The following PARD3B variants were observed in gnomAD, a reference collection of about 807,000 sequenced individuals.
The protein encoded by PARD3B is partitioning defective 3 homolog B.
PARD3B carries 103 observed loss-of-function variants against 130.2 expected under a neutral mutation model. That is an observed-to-expected ratio of 0.79 (90% confidence interval 0.67 to 0.93). The LOEUF (loss-of-function observed/expected upper bound fraction) is 0.93, where lower values mean the gene tolerates loss of function less well. Among genes scored for constraint, PARD3B ranks in the 40% least tolerant of loss-of-function variants. The pLI, the probability that PARD3B is intolerant of heterozygous loss-of-function variation, is 0.00. For synonymous variants in PARD3B, 583 were observed against 553.2 expected, an observed-to-expected ratio of 1.05 and a Z score of -0.76; for missense variants, 1,609 against 1,499.2, an observed-to-expected ratio of 1.07 and a Z score of -1.21.
intron 2 of PARD3B, among the ~76,000 whole-genome samples, chr2:204,894,765 T>G (rs1383374718): frequency 6.6e-6 from 1 of 152,072 alleles, no homozygotes; most frequent in African/African-American, 2.4e-5. Flanking sequence ...AAATTAAATT[T>G]CTTGGGTTTG....
At chr2:204,580,308 GT>G (rs932930031) in intron 1 of PARD3B, among the ~76,000 whole-genome samples, 2 of 152,018 alleles carry the variant, frequency 1.3e-5, no homozygotes, top group East Asian at 3.9e-4. Context: ...TTGCATCCAT[GT>G]TTTTTTTCCC....
intron 1 of PARD3B, among the ~76,000 whole-genome samples, chr2:204,676,757 C>T (rs1458312831): frequency 6.7e-6 from 1 of 150,168 alleles, no homozygotes; most frequent in Non-Finnish European, 1.5e-5. Flanking sequence ...GCAACCTCCA[C>T]CTCCTGGATT....
At position 205,309,217 on chromosome 2, in the gene PARD3B, T is replaced by G. The variant is rs1294266613; in HGVS notation, c.2630+7516T>G. ...GTACACATTCTAAGACAGGTGGGCA[T>G]TAATGTAAATGGTGAACTTGGTTTA... On this transcript the variant is annotated intron_variant, in intron 18 of 22. Transcript: ENST00000406610. This position sits in a 1 kb window ranked among gnomAD's most constrained non-coding sequence, Gnocchi z 4.7. 6.6e-6 allele frequency among the ~76,000 whole-genome samples: 1 copy of G among 152,192 alleles called. No homozygotes were observed. Among genetic ancestry groups the G allele is most frequent in the Non-Finnish European group, 1.5e-5 (1 of 68,034 alleles).
chr2:204,819,516 G>A (rs371614913), intron 2 of PARD3B, among the ~76,000 whole-genome samples: 27 of 152,156 alleles, frequency 1.8e-4, no homozygotes, highest in African/African-American at 6.5e-4. Context: ...AATATACTTA[G>A]GCCAATTGAT....
At chr2:205,377,825 C>T (rs903816057) in intron 18 of PARD3B, among the ~76,000 whole-genome samples, 2 of 139,386 alleles carry the variant, frequency 1.4e-5, no homozygotes, top group African/African-American at 5.7e-5. Flanking sequence ...GGCTGGAGTG[C>T]AATGGTGAGG....
At chr2:204,688,604 A>G (rs2037204536) in intron 2 of PARD3B, among the ~76,000 whole-genome samples, 1 of 151,946 alleles carries the variant, frequency 6.6e-6, no homozygotes, top group Non-Finnish European at 1.5e-5. Context: ...AAAAGGTGAA[A>G]AAAAGAATTT....
chr2:205,410,840 C>T (rs1044235982), intron 19 of PARD3B, among the ~76,000 whole-genome samples: 4 of 152,254 alleles, frequency 2.6e-5, no homozygotes, highest in African/African-American at 9.6e-5. Flanking sequence ...TTGGCAAACT[C>T]TATATGATTT....
At chr2:204,642,901 C>G (rs1287339203) in intron 1 of PARD3B, among the ~76,000 whole-genome samples, 1 of 151,376 alleles carries the variant, frequency 6.6e-6, no homozygotes, top group South Asian at 2.1e-4. Flanking sequence ...ATCACAAGGT[C>G]AGGAGACCAA....
chr2:205,095,531 A>G (rs1206648792), intron 4 of PARD3B, among the ~76,000 whole-genome samples: 1 of 152,100 alleles, frequency 6.6e-6, no homozygotes, highest in Non-Finnish European at 1.5e-5. Context: ...ATGTTGAAAG[A>G]TTAGCAGAGC....
Position 205,176,433 on chromosome 2 carries a change from T to G in PARD3B, c.1792-12T>G, listed in dbSNP as rs2035472696. On this transcript the variant is annotated splice_polypyrimidine_tract_variant and intron_variant, in intron 12 of 22. Transcript: ENST00000406610. The surrounding 1 kb of genome is among the most constrained non-coding windows in gnomAD (Gnocchi z 5.3). ...TAAAAATGCAAATGTAATTTTTACT[T>G]TTATCTCTTAGGATCCTGCAGAGTG... 1 of 1,583,324 alleles carries G rather than the reference T, an allele frequency of 6.3e-7. No individual in the cohort carries two copies. Among genetic ancestry groups the G allele is most frequent in the African/African-American group, 1.4e-5 (1 of 72,782 alleles).
At chr2:205,384,388 G>C (rs911328411) in intron 18 of PARD3B, among the ~76,000 whole-genome samples, 1 of 152,064 alleles carries the variant, frequency 6.6e-6, no homozygotes, top group Non-Finnish European at 1.5e-5. Flanking sequence ...CTACATAGGA[G>C]ATAAAAAGCC....
intron 4 of PARD3B, among the ~76,000 whole-genome samples, chr2:205,094,005 G>C (rs541870904): frequency 7.6e-4 from 115 of 152,238 alleles, no homozygotes; most frequent in African/African-American, 2.7e-3. Flanking sequence ...CATGCTATAA[G>C]AACCCACGAT....
chr2:204,889,014 TAG>T (rs1401546178), intron 2 of PARD3B, among the ~76,000 whole-genome samples: 1 of 152,112 alleles, frequency 6.6e-6, no homozygotes, highest in Non-Finnish European at 1.5e-5. Flanking sequence ...GTGAGATAAG[TAG>T]AGAGATAAGT....
At chr2:205,353,648 A>G (rs1012214344) in intron 18 of PARD3B, among the ~76,000 whole-genome samples, 2 of 152,202 alleles carry the variant, frequency 1.3e-5, no homozygotes, top group African/African-American at 4.8e-5. Context: ...CTTTTGTTTC[A>G]TGGATGACAA....
At chr2:204,797,853 T>A (rs938503052) in intron 2 of PARD3B, among the ~76,000 whole-genome samples, 1 of 152,210 alleles carries the variant, frequency 6.6e-6, no homozygotes, top group African/African-American at 2.4e-5. Context: ...ATTACTTTAG[T>A]TGACTTAAAA....
chr2:205,206,301 G>A (rs2037302394), intron 15 of PARD3B, among the ~76,000 whole-genome samples: 1 of 148,698 alleles, frequency 6.7e-6, no homozygotes, highest in Non-Finnish European at 1.5e-5. Context: ...GTGCCCTGCT[G>A]GTGCACTGCA....
chr2:204,848,681 A>G (rs2125601344), intron 2 of PARD3B, among the ~76,000 whole-genome samples: 1 of 151,592 alleles, frequency 6.6e-6, no homozygotes, highest in South Asian at 2.1e-4. Context: ...CTGTGTATCT[A>G]TCTATTATTT....
chr2:205,552,498 T>G (rs1214536845), intron 21 of PARD3B, among the ~76,000 whole-genome samples: 1 of 152,168 alleles, frequency 6.6e-6, no homozygotes, highest in Non-Finnish European at 1.5e-5. Flanking sequence ...AACCTCTGCC[T>G]CCCGGGTTCA....
intron 6 of PARD3B, among the ~76,000 whole-genome samples, chr2:205,114,368 G>A (rs1044241320): frequency 6.6e-6 from 1 of 152,100 alleles, no homozygotes; most frequent in African/African-American, 2.4e-5. Context: ...GCACTAGATT[G>A]ATATTGACAA....
Sources: allele counts gnomAD v4.1 joint callset (sites outside exome capture counted in the v4.1 genomes callset), GRCh38; gene constraint gnomAD v4.1.1; non-coding constraint Gnocchi (gnomAD v3.1); transcripts MANE v1.5; gene names NCBI Gene and HGNC (gene_info 2026-07-23, HGNC 2026-07-21).